Variants in DHX9 observed in about 807,000 individuals in gnomAD.
The protein encoded by DHX9 is DExH-box helicase 9, also known as ATP-dependent RNA helicase A.
A neutral mutation model predicts 148.7 loss-of-function variants in DHX9; 27 were observed. That is an observed-to-expected ratio of 0.18 (90% CI 0.13 to 0.25). The LOEUF (loss-of-function observed/expected upper bound fraction) is 0.25, where lower values mean the gene tolerates loss of function less well. DHX9 is among the 10% of genes least tolerant of loss of function. The pLI is 1.00. For missense variants in DHX9, 796 were observed against 1,559.6 expected (o/e 0.51, Z 8.25); for synonymous variants, 529 against 516.6 (o/e 1.02, Z -0.33).
chr1:182,875,583 C>G (rs1193828456), intron 16 of DHX9, among the ~76,000 whole-genome samples: 1 of 152,092 alleles, frequency 6.6e-6, no homozygotes, highest in Non-Finnish European at 1.5e-5. Context: ...AGACAGCCAG[C>G]AATGCAGAAT....
intron 14 of DHX9, among the ~76,000 whole-genome samples, chr1:182,869,560 T>C (rs1016078332): frequency 6.6e-5 from 10 of 152,334 alleles, no homozygotes; most frequent in African/African-American, 2.2e-4. Context: ...ACCGGTCTTA[T>C]CTGGTCCTGA....
Position 182,854,046 on chromosome 1 carries a change from A to T in DHX9, c.494A>T (p.Glu165Val). 6.2e-7 allele frequency: 1 copy of T among 1,612,320 alleles called. No homozygotes were observed. The highest frequency in any genetic ancestry group is 8.5e-7 in the Non-Finnish European group (1 of 1,179,854). ...ATTCTACAGACTCTAGAATCAGAAG[A>T]AGTGGATTTAAATGCTGGGCTTCAT... ...QEVQATLESE[E>V]VDLNAGLHGN... Residue 165 changes from glutamate to valine, a missense_variant, in exon 6 of 28, where the codon GAA (glutamate) becomes GTA (valine). By Grantham distance (121) the Glu-to-Val change is moderately radical. This residue lies in a region of DHX9 where 46 missense variants were observed against 136.3 expected (regional missense o/e 0.34). Coordinates refer to ENST00000367549, the MANE Select transcript of DHX9 (RefSeq NM_001357.5).
Position 182,852,343 on chromosome 1 carries a change from A to AG in DHX9, c.364+1dup. 1 of 1,603,472 alleles carries AG rather than the reference A, an allele frequency of 6.2e-7. No homozygotes were observed. Among genetic ancestry groups the AG allele is most frequent in the Non-Finnish European group, 8.5e-7 (1 of 1,173,322 alleles). On this transcript the variant is annotated frameshift_variant and splice_region_variant, in exon 4 of 28. Coordinates refer to ENST00000367549, the MANE Select transcript of DHX9 (RefSeq NM_001357.5). LOFTEE classifies it high-confidence loss of function. The stretch of plus-strand genomic sequence containing the variant: ...TTCCTCCACATCTGGCTCTCAAAGC[A>AG]GGTAAGGGACTTGAATCCATGCACG...
chr1:182,875,207 T>TG, intron 16 of DHX9: 1 of 507,444 alleles, frequency 2.0e-6, no homozygotes. Context: ...AATGCGATGT[T>TG]TAAAGGCCAG....
Position 182,883,139 on chromosome 1 carries a change from A to T in DHX9, c.2915A>T (p.Asp972Val). The T allele has an allele frequency of 1.2e-6, 2 of 1,611,926 alleles. No homozygotes were observed. The highest frequency in any genetic ancestry group is 1.7e-6 in the Non-Finnish European group (2 of 1,178,016). ...EILINSGFPE[D>V]CLLTQVFTNT... The stretch of plus-strand genomic sequence containing the variant: ...GTTTTCACTGTGCTCCTCTTAACAG[A>T]TTGTTTGTTGACACAAGTGTTTACT... Residue 972 changes from aspartate (D) to valine (V), a missense_variant and splice_region_variant, in exon 25 of 28, where the codon GAT becomes GTT. Physicochemically the swap from Asp to Val is radical, Grantham distance 152 (BLOSUM62 -3). Coordinates refer to ENST00000367549, the MANE Select transcript of DHX9 (RefSeq NM_001357.5).
In DHX9 at chr1:182,866,997, G is replaced by T. The variant is rs1648322450; in HGVS notation, c.1511G>T (p.Gly504Val). ...LLRKLEAGIRGISHVIVDEIH... is the reference protein window; with the variant it reads ...LLRKLEAGIRVISHVIVDEIH... ...AGAAAATTAGAAGCAGGCATTCGAG[G>T]AATCAGTCATGTAATTGTAGATGAA... Residue 504 changes from glycine (G) to valine (V), a missense_variant, in exon 14 of 28, where the codon GGA (glycine) becomes GTA (valine). Physicochemically the swap from Gly to Val is moderately radical, Grantham distance 109. Coordinates refer to ENST00000367549, the MANE Select transcript of DHX9 (RefSeq NM_001357.5). The T allele has an allele frequency of 6.2e-7, 1 of 1,606,732 alleles. No individual in the cohort carries two copies. Among genetic ancestry groups the T allele is most frequent in the Non-Finnish European group, 8.5e-7 (1 of 1,178,292 alleles).
At chr1:182,880,202 A>T (rs906495005) in intron 21 of DHX9, among the ~76,000 whole-genome samples, 1 of 152,174 alleles carries the variant, frequency 6.6e-6, no homozygotes, top group African/African-American at 2.4e-5. Context: ...TTCTTATGGC[A>T]TGTAGAAACT....
chr1:182,884,858 A>G (rs748057417), intron 27 of DHX9, 45 bp downstream of exon 27: 5 of 1,588,810 alleles, frequency 3.1e-6, no homozygotes, highest in Non-Finnish European at 2.6e-6. Flanking sequence ...GAGGGGAGAG[A>G]TCTTATGTAG....
Position 182,856,594 on chromosome 1 carries a change from T to G in DHX9, c.673+16T>G. The G allele has an allele frequency of 1.2e-6, 2 of 1,611,460 alleles. No individual in the cohort carries two copies. Among genetic ancestry groups the G allele is most frequent in the African/African-American group, 1.3e-5 (1 of 75,002 alleles). ...CTGGGCAGAAGTAAGTGTTACTGTTTCCCCAATATTCCAAGTCTCTGTATA... is the reference window on the plus strand; with the variant it reads ...CTGGGCAGAAGTAAGTGTTACTGTTGCCCCAATATTCCAAGTCTCTGTATA... On this transcript the variant is annotated intron_variant, in intron 7 of 27. Coordinates refer to ENST00000367549, the MANE Select transcript of DHX9 (RefSeq NM_001357.5).
At chr1:182,851,298 C>G (rs1668144776) in intron 3 of DHX9, among the ~76,000 whole-genome samples, 1 of 152,072 alleles carries the variant, frequency 6.6e-6, no homozygotes, top group Admixed American at 6.6e-5. Context: ...CCAAAAAACC[C>G]TAAGAGACAA....
intron 14 of DHX9, among the ~76,000 whole-genome samples, chr1:182,868,017 C>T (rs1228117918): frequency 2.6e-5 from 4 of 152,050 alleles, no homozygotes; most frequent in Admixed American, 2.6e-4. Flanking sequence ...CATCCCCCAT[C>T]CTGAAGTTAC....
chr1:182,877,022 T>C, intron 19 of DHX9, 119 bp downstream of exon 19: 1 of 648,186 alleles, frequency 1.5e-6, no homozygotes, highest in East Asian at 2.7e-5. Context: ...TCTCCAAAAT[T>C]ATTGTGCATC....
intron 3 of DHX9, among the ~76,000 whole-genome samples, chr1:182,844,638 GT>G (rs1319810306): frequency 1.3e-5 from 2 of 152,106 alleles, no homozygotes; most frequent in East Asian, 3.9e-4. Context: ...GGTTCAAGCA[GT>G]TCTCCTGCCT....
rs1454342938 is a variant in DHX9 at position 182,860,071 on chromosome 1, G to T, written c.1219G>T (p.Val407Phe). The T allele has an allele frequency of 6.2e-7, 1 of 1,613,918 alleles. No homozygotes were observed. The highest frequency in any genetic ancestry group is 8.5e-7 in the Non-Finnish European group (1 of 1,180,006). The change falls in exon 12 of 28, where the codon GTC (valine) becomes TTC (phenylalanine). Residue 407 changes from valine to phenylalanine, a missense_variant. By Grantham distance (50) the Val-to-Phe change is conservative. Transcript: ENST00000367549. ...ILEAISQNSVVIIRGATGCGK... is the reference protein window; with the variant it reads ...ILEAISQNSVFIIRGATGCGK... ...GGAAGCAATCAGCCAAAATTCAGTT[G>T]TCATTATTAGAGGGGCTACTGGATG...
Position 182,874,855 on chromosome 1 carries a change from A to G in DHX9, c.1716A>G (p.Glu572=). ...ACCTGACTGGATTGTCCCTGGCAGA[A>G]TATTTTCTGGAAGACTGCATTCAGA... The part of the protein sequence containing the change: ...EVYGRTYPVQ[E]YFLEDCIQMT... The change falls in exon 16 of 28, where the codon GAA becomes GAG. Residue 572 remains glutamate, a splice_region_variant and synonymous_variant. Transcript: ENST00000367549. 6.2e-7 allele frequency: 1 copy of G among 1,609,528 alleles called. No homozygotes were observed. The highest frequency in any genetic ancestry group is 8.5e-7 in the Non-Finnish European group (1 of 1,177,016).
At chr1:182,850,894 C>A (rs575839432) in intron 3 of DHX9, among the ~76,000 whole-genome samples, 1 of 152,304 alleles carries the variant, frequency 6.6e-6, no homozygotes, top group South Asian at 2.1e-4. Flanking sequence ...AGGAAATCCT[C>A]CCCATCACTG....
intron 24 of DHX9, 37 bp from the exon 25 acceptor site, chr1:182,883,102 T>TA (rs1649163008): frequency 7.2e-7 from 1 of 1,385,374 alleles, no homozygotes; most frequent in Non-Finnish European, 1.0e-6. Flanking sequence ...ATCAGCCAGT[T>TA]ATCTGATTTT....
At chr1:182,843,273 T>C in intron 2 of DHX9, 21 bp from the exon 3 acceptor site, 1 of 1,537,074 alleles carries the variant, frequency 6.5e-7, no homozygotes, top group Non-Finnish European at 8.7e-7. Context: ...AGTCTCTTAG[T>C]ACTTTTTTTT....
At chr1:182,862,420 A>G (rs1273017856) in intron 12 of DHX9, among the ~76,000 whole-genome samples, 1 of 152,196 alleles carries the variant, frequency 6.6e-6, no homozygotes, top group African/African-American at 2.4e-5. Flanking sequence ...TAAGTAGGAA[A>G]TAGTTGTCTT....
Sources: allele counts gnomAD v4.1 joint callset (sites outside exome capture counted in the v4.1 genomes callset), GRCh38; gene constraint gnomAD v4.1.1; regional missense constraint gnomAD v4.1.1; transcripts MANE v1.5; gene names NCBI Gene and HGNC (gene_info 2026-07-23, HGNC 2026-07-21).